Variants in ZNF695 observed in about 807,000 individuals in gnomAD.
ZNF695 encodes zinc finger protein SBZF3.
Under a neutral mutation model 11.2 loss-of-function variants are expected in ZNF695, and 11 were observed. The ratio of observed to expected loss-of-function variants is 0.98; its 90% CI spans 0.62 to 1.62. ZNF695 has a LOEUF of 1.62. Among genes scored for constraint, ZNF695 ranks in the 40% most tolerant of loss-of-function variants. ZNF695 has a pLI of 0.00. For missense variants in ZNF695, 559 were observed against 590.5 expected (o/e 0.95, Z 0.55); for synonymous variants, 190 against 201.4 (o/e 0.94, Z 0.48).
At chr1:246,947,188 A>AT (rs1253978060) in intron 5 of ZNF695, among the ~76,000 whole-genome samples, 2 of 113,536 alleles carry the variant, frequency 1.8e-5, no homozygotes, top group East Asian at 5.4e-4. Flanking sequence ...AGGGTTTTTT[A>AT]TTTTTTTTGG....
rs56131097 is a variant in ZNF695 at position 247,001,712 on chromosome 1, C to CAAAAAAAAAAAAAAAAAAAAAAAAA, written c.4-1639_4-1638insTTTTTTTTTTTTTTTTTTTTTTTTT. Among the ~76,000 whole-genome samples the CAAAAAAAAAAAAAAAAAAAAAAAAA allele has an allele frequency of 2.5e-5, 2 of 79,284 alleles. 1 individual carries two copies. Among genetic ancestry groups the CAAAAAAAAAAAAAAAAAAAAAAAAA allele is most frequent in the African/African-American group, 9.7e-5 (2 of 20,554 alleles). The allele number at this position is 79,284 out of a possible 152,430, so 52.0% of individuals were successfully genotyped here. ...TGGGCAACAGAGCAAGACTTCGTCT[C>CAAAAAAAAAAAAAAAAAAAAAAAAA]AAAAAAAAAAAAAAAAAAAAAAGAA... is the stretch of plus-strand genomic sequence containing the variant. On this transcript the variant is annotated intron_variant, in intron 1 of 3. Transcript: ENST00000339986.
intron 5 of ZNF695, among the ~76,000 whole-genome samples, chr1:246,947,206 G>GC (rs1558300051): frequency 8.0e-6 from 1 of 124,966 alleles, no homozygotes; most frequent in Middle Eastern, 4.4e-3. Context: ...TGGGGGGGTG[G>GC]TTTTTTTTTT....
intron 5 of ZNF695, among the ~76,000 whole-genome samples, chr1:246,963,362 G>T (rs1232019110): frequency 1.3e-5 from 2 of 152,170 alleles, no homozygotes; most frequent in East Asian, 3.9e-4. Context: ...GAGGCAGGAG[G>T]ATCACTTGAG....
chr1:246,969,955 G>T (rs1002715893), intron 4 of ZNF695, among the ~76,000 whole-genome samples: 5 of 152,140 alleles, frequency 3.3e-5, no homozygotes, highest in African/African-American at 1.2e-4. Flanking sequence ...CAACATTGGG[G>T]ATTACAATTC....
At position 246,987,407 on chromosome 1, in the gene ZNF695, G is replaced by A; in HGVS notation, c.1108C>T (p.His370Tyr). 1.2e-6 allele frequency: 2 copies of A among 1,612,412 alleles called. No homozygotes were observed. The highest frequency in any genetic ancestry group is 1.7e-4 in the Middle Eastern group (1 of 6,048). The change falls in exon 4 of 4, where the codon CAT (histidine) becomes TAT (tyrosine). Residue 370 changes from histidine to tyrosine, a missense_variant. His to Tyr is a moderately conservative substitution (Grantham distance 83). Coordinates refer to ENST00000339986, the MANE Select transcript of ZNF695 (RefSeq NM_020394.5). ...TTCTCACCAGTATGAATTCTCCTAT[G>A]TTCAGTCAGATGTGAGCTCTGGTTA... Reference protein sequence around the residue: ...AFNQSSHLTEHRRIHTGEKPY... With the variant: ...AFNQSSHLTEYRRIHTGEKPY...
intron 1 of ZNF695, among the ~76,000 whole-genome samples, chr1:247,004,949 T>C (rs1669491835): frequency 6.6e-6 from 1 of 152,134 alleles, no homozygotes; most frequent in Non-Finnish European, 1.5e-5. Flanking sequence ...AACAGAAATA[T>C]ATTCTGTGTT....
chr1:246,996,175 G>A (rs567942174), intron 3 of ZNF695: 16 of 346,622 alleles, frequency 4.6e-5, no homozygotes, highest in African/African-American at 2.5e-4. Context: ...GCGAAACCTC[G>A]TCTCTACTAA....
rs958255175 is a variant in ZNF695, at chr1:246,985,420, A to G, written c.*1547T>C. ...AATGAAGGTGTAACGTGTGGGAACA[A>G]TATTTTTCAAATTATTTGAAGTTTA... On this transcript the variant is annotated 3_prime_UTR_variant, in exon 4 of 4. Transcript: ENST00000339986. The G allele has an allele frequency of 3.0e-6, 3 of 985,288 alleles. No individual in the cohort carries two copies. The African/African-American group carries it at 5.2e-5, about 17-fold the overall frequency. 61.0% of individuals were successfully genotyped at this position (985,288 alleles called of 1,614,324 possible).
At chr1:246,946,828 A>G (rs532519222) in intron 5 of ZNF695, among the ~76,000 whole-genome samples, 3 of 152,346 alleles carry the variant, frequency 2.0e-5, no homozygotes, top group Admixed American at 6.5e-5. Context: ...AGTAATCAAA[A>G]TATGGCTTGG....
chr1:246,959,282 C>CAA lies in ZNF695; in HGVS notation c.488+8411_488+8412dup, dbSNP rs1189262229. ...TGGATGACAGAGTGAGACCCTGTCT[C>CAA]AAAAAAAAAAAAAAAAAAAAAAAAA... On this transcript the variant is annotated intron_variant, in intron 5 of 5. Transcript: ENST00000487338. Among the ~76,000 whole-genome samples, 60 of 7,428 alleles carry CAA rather than the reference C, an allele frequency of 8.1e-3. 16 individuals are homozygous for CAA. The highest frequency in any genetic ancestry group is 9.2e-3 in the Non-Finnish European group (44 of 4,760). The allele number at this position is 7,428 out of a possible 152,430, so 4.9% of individuals were successfully genotyped here. A position where few individuals can be genotyped will look rare whatever the true frequency, so the allele number is the denominator to read the frequency against.
intron 5 of ZNF695, among the ~76,000 whole-genome samples, chr1:246,960,512 G>A (rs1194636613): frequency 6.6e-6 from 1 of 152,156 alleles, no homozygotes; most frequent in African/African-American, 2.4e-5. Flanking sequence ...ATGCCCCAGA[G>A]AACCATTTGT....
chr1:247,006,211 C>T (rs574429642), intron 1 of ZNF695, among the ~76,000 whole-genome samples: 4 of 137,854 alleles, frequency 2.9e-5, no homozygotes, highest in South Asian at 4.5e-4. Flanking sequence ...GGCGACAGAG[C>T]GAGACTCTGT....
intron 4 of ZNF695, among the ~76,000 whole-genome samples, chr1:246,973,045 CAT>C (rs35647542): frequency 1.8e-4 from 26 of 145,730 alleles, no homozygotes; most frequent in Non-Finnish European, 2.7e-4. Context: ...ACACTAAGAA[CAT>C]ATATATATAT....
downstream of ZNF695, among the ~76,000 whole-genome samples, chr1:246,982,689 T>C (rs1668740359): frequency 6.6e-6 from 1 of 152,292 alleles, no homozygotes; most frequent in African/African-American, 2.4e-5. Context: ...AGAGTGTTGC[T>C]TGGCCAGGCG....
At chr1:246,999,788 A>C (rs986716426) in intron 2 of ZNF695, 124 bp downstream of exon 2, 3 of 959,396 alleles carry the variant, frequency 3.1e-6, no homozygotes, top group African/African-American at 1.7e-5. Context: ...AAACATCTTG[A>C]AAGTTTTGTT....
intron 3 of ZNF695, chr1:246,996,217 G>A (rs757431523): frequency 6.1e-5 from 20 of 328,196 alleles, no homozygotes; most frequent in Admixed American, 1.3e-4. Context: ...TTAGCCAGGC[G>A]TGGTGGTGCA....
intron 4 of ZNF695, among the ~76,000 whole-genome samples, chr1:246,980,200 A>C (rs922472091): frequency 2.0e-5 from 3 of 150,922 alleles, no homozygotes; most frequent in Non-Finnish European, 3.0e-5. Context: ...AAAAAAAAAA[A>C]AAAACTTATG....
At chr1:246,945,945 G>C in intron 5 of ZNF695, 1 of 1,304,352 alleles carries the variant, frequency 7.7e-7, no homozygotes, top group South Asian at 1.3e-5. Flanking sequence ...GGAGAAGTCT[G>C]TCTGTCCCTT....
intron 5 of ZNF695, among the ~76,000 whole-genome samples, chr1:246,956,594 G>A (rs1006517449): frequency 2.0e-5 from 3 of 151,982 alleles, no homozygotes; most frequent in Admixed American, 1.3e-4. Flanking sequence ...CCAGCCTGGG[G>A]GACAGAGTGA....
Sources: allele counts gnomAD v4.1 joint callset (sites outside exome capture counted in the v4.1 genomes callset), GRCh38; gene constraint gnomAD v4.1.1; transcripts MANE v1.5; gene names NCBI Gene and HGNC (gene_info 2026-07-23, HGNC 2026-07-21).